GPC6: variants seen among roughly 807,000 people sequenced by gnomAD.
GPC6 encodes glypican-6.
GPC6 carries 14 observed loss-of-function variants against 55.2 expected under a neutral mutation model. The observed-to-expected ratio is 0.25, with a 90% confidence interval of 0.17 to 0.40. The LOEUF (loss-of-function observed/expected upper bound fraction) is 0.40. Ranked by LOEUF, GPC6 falls within the 10% of genes least tolerant of loss-of-function variation. The probability of loss-of-function intolerance (pLI) is 1.00; values close to 1 mark genes in which losing one functional copy is unlikely to be tolerated. For synonymous variants in GPC6, 278 were observed against 259.6 expected (o/e 1.07, Z -0.68); for missense variants, 641 against 708.5 (o/e 0.90, Z 1.08).
chr13:94,087,188 C>T (rs992599289), intron 4 of GPC6, among the ~76,000 whole-genome samples: 6 of 152,048 alleles, frequency 3.9e-5, no homozygotes, highest in African/African-American at 9.7e-5. Context: ...TGGGGAAAGC[C>T]GATGAATGAG....
At chr13:94,241,844 C>T (rs978036138) in intron 4 of GPC6, among the ~76,000 whole-genome samples, 8 of 152,134 alleles carry the variant, frequency 5.3e-5, no homozygotes, top group Middle Eastern at 3.4e-3. Flanking sequence ...TTCTAGACAA[C>T]GAGATGTAAT....
chr13:93,507,115 C>A (rs1484698500), intron 1 of GPC6, among the ~76,000 whole-genome samples: 3 of 135,432 alleles, frequency 2.2e-5, no homozygotes, highest in Admixed American at 1.5e-4. Context: ...CACACTCAGA[C>A]AAGGACTGGT....
chr13:93,490,121 T>C (rs1594207577), intron 1 of GPC6, among the ~76,000 whole-genome samples: 1 of 151,426 alleles, frequency 6.6e-6, no homozygotes, highest in South Asian at 2.1e-4. Flanking sequence ...AAATAGCTCT[T>C]ATTATTTTGA....
chr13:93,369,795 CAA>C (rs1211655182), intron 1 of GPC6, among the ~76,000 whole-genome samples: 1 of 152,104 alleles, frequency 6.6e-6, no homozygotes, highest in Non-Finnish European at 1.5e-5. Flanking sequence ...AAGAAATGTT[CAA>C]AAGCTTCAAT....
chr13:93,932,458 AT>A (rs1878225583), intron 3 of GPC6, among the ~76,000 whole-genome samples: 3 of 152,182 alleles, frequency 2.0e-5, no homozygotes, highest in Admixed American at 2.0e-4. Context: ...AAAAAGGAAG[AT>A]TGCCATTAGC....
intron 4 of GPC6, among the ~76,000 whole-genome samples, chr13:94,249,119 C>A (rs1217651135): frequency 6.6e-6 from 1 of 152,120 alleles, no homozygotes; most frequent in Non-Finnish European, 1.5e-5. Flanking sequence ...AGGGAAATCA[C>A]CTGAGGCTGT....
intron 3 of GPC6, among the ~76,000 whole-genome samples, chr13:93,905,445 A>G (rs1200099925): frequency 1.3e-5 from 2 of 152,172 alleles, no homozygotes; most frequent in Non-Finnish European, 2.9e-5. Context: ...GCAGCCAGTC[A>G]TATTGTTTAA....
intron 2 of GPC6, among the ~76,000 whole-genome samples, chr13:93,770,396 G>A (rs921133468): frequency 5.3e-5 from 8 of 152,030 alleles, no homozygotes; most frequent in Non-Finnish European, 1.5e-5. Context: ...TTGGCTTCCT[G>A]GAATACTAAT....
intron 1 of GPC6, among the ~76,000 whole-genome samples, chr13:93,437,176 A>G (rs1294139001): frequency 6.6e-6 from 1 of 152,110 alleles, no homozygotes; most frequent in African/African-American, 2.4e-5. Context: ...ACTGTCCATT[A>G]TGTCATCTCT....
chr13:94,181,742 G>A (rs565104150), intron 4 of GPC6, among the ~76,000 whole-genome samples: 2 of 152,116 alleles, frequency 1.3e-5, no homozygotes, highest in East Asian at 3.9e-4. Context: ...TACAACTTAG[G>A]GTGCCTCATA....
At chr13:94,322,735 A>G (rs369234443) in intron 6 of GPC6, among the ~76,000 whole-genome samples, 3 of 152,172 alleles carry the variant, frequency 2.0e-5, no homozygotes, top group East Asian at 1.9e-4. Flanking sequence ...AAAATTGGCC[A>G]TATTTGTGGC....
intron 3 of GPC6, among the ~76,000 whole-genome samples, chr13:93,997,601 G>GTGTGTGTA (rs1157427563): frequency 6.6e-6 from 1 of 151,846 alleles, no homozygotes; most frequent in Admixed American, 6.6e-5. Context: ...GTGTGTGTGT[G>GTGTGTGTA]TGTGTGCATG....
rs567848010 is a variant in GPC6 at position 93,995,663 on chromosome 13, C to A, written c.712-32066C>A. On this transcript the variant is annotated intron_variant, in intron 3 of 8. Coordinates refer to ENST00000377047, the MANE Select transcript of GPC6 (RefSeq NM_005708.5). ...TGGTATCAGAAACTTATCAAATAATCATACAAATATATTTTCAATTATAGT... is the reference window on the plus strand; with the variant it reads ...TGGTATCAGAAACTTATCAAATAATAATACAAATATATTTTCAATTATAGT... Among the ~76,000 whole-genome samples the A allele has an allele frequency of 1.2e-4, 18 of 152,218 alleles. No homozygotes were observed. The South Asian group carries it at 3.5e-3, about 30-fold the overall frequency.
chr13:93,857,133 G>GTGGGTATAAAGTGGGATATA, intron 3 of GPC6, among the ~76,000 whole-genome samples: 1 of 151,720 alleles, frequency 6.6e-6, no homozygotes, highest in East Asian at 2.0e-4. Flanking sequence ...GTCACTATTA[G>GTGGGTATAAAGTGGGATATA]AAGGGGGTAT....
At chr13:94,225,638 GTA>G (rs887072861) in intron 4 of GPC6, among the ~76,000 whole-genome samples, 8 of 144,526 alleles carry the variant, frequency 5.5e-5, no homozygotes, top group Admixed American at 2.8e-4. Flanking sequence ...TATATGTAAG[GTA>G]TATATATATG....
At chr13:94,175,026 C>G (rs1190918401) in intron 4 of GPC6, among the ~76,000 whole-genome samples, 5 of 152,136 alleles carry the variant, frequency 3.3e-5, no homozygotes, top group African/African-American at 7.2e-5. Flanking sequence ...TCCCAAATAT[C>G]ACCACTCTTC....
intron 2 of GPC6, among the ~76,000 whole-genome samples, chr13:93,755,043 CTCATA>C (rs1309035815): frequency 6.6e-6 from 1 of 152,152 alleles, no homozygotes; most frequent in African/African-American, 2.4e-5. Flanking sequence ...AAAATACAGA[CTCATA>C]TCATTTTATT....
chr13:93,868,171 A>T (rs1418097207), intron 3 of GPC6, among the ~76,000 whole-genome samples: 3 of 151,726 alleles, frequency 2.0e-5, no homozygotes, highest in Non-Finnish European at 4.4e-5. Context: ...GCTTCTTCCC[A>T]TGGTGCCCGC....
At chr13:94,378,324 T>C (rs547678468) in intron 6 of GPC6, among the ~76,000 whole-genome samples, 44 of 152,198 alleles carry the variant, frequency 2.9e-4, no homozygotes, top group Non-Finnish European at 6.0e-4. Flanking sequence ...AGAAACTTGA[T>C]GGGATTCAGG....
Sources: allele counts gnomAD v4.1 joint callset (sites outside exome capture counted in the v4.1 genomes callset), GRCh38; gene constraint gnomAD v4.1.1; transcripts MANE v1.5; gene names NCBI Gene and HGNC (gene_info 2026-07-23, HGNC 2026-07-21).